The following ATAD3C variants were observed in gnomAD, a reference collection of about 807,000 sequenced individuals.
The protein encoded by ATAD3C is ATPase family AAA domain-containing protein 3C.
Under a neutral mutation model 46.3 loss-of-function variants are expected in ATAD3C, and 38 were observed. The observed-to-expected ratio is 0.82, with a 90% confidence interval of 0.63 to 1.08. ATAD3C has a LOEUF of 1.08. Ranked by LOEUF, ATAD3C falls within the 50% of genes least tolerant of loss-of-function variation. The pLI is 0.00. For missense variants in ATAD3C, 563 were observed against 572.7 expected, an observed-to-expected ratio of 0.98 and a Z score of 0.17; for synonymous variants, 220 against 236.4, an observed-to-expected ratio of 0.93 and a Z score of 0.63.
Position 1,462,565 on chromosome 1 carries a change from GCCTTGGCCGGC to G in ATAD3C, c.981-32_981-22del. The G allele has an allele frequency of 6.4e-7, 1 of 1,550,984 alleles. No homozygotes were observed. Among genetic ancestry groups the G allele is most frequent in the Non-Finnish European group, 8.8e-7 (1 of 1,141,858 alleles). ...TCCACCTCGTGGTGTGGGAGCTGCTGCCTTGGCCGGCCCACTTGGGAACTCCTTCCCCAGGC... is the reference window on the plus strand; with the variant it reads ...TCCACCTCGTGGTGTGGGAGCTGCTGCCACTTGGGAACTCCTTCCCCAGGC... On this transcript the variant is annotated intron_variant, in intron 10 of 11. Transcript: ENST00000378785. This position sits in a 1 kb window ranked among gnomAD's most constrained non-coding sequence, Gnocchi z 4.5.
At chr1:1,461,224 G>C (rs1420356828) in intron 10 of ATAD3C, among the ~76,000 whole-genome samples, 1 of 151,756 alleles carries the variant, frequency 6.6e-6, no homozygotes, top group African/African-American at 2.4e-5. Context: ...TCTCGCTCTT[G>C]TCCCCCAGGC....
chr1:1,458,726 G>T (rs1570151704), intron 8 of ATAD3C, among the ~76,000 whole-genome samples: 1 of 141,872 alleles, frequency 7.0e-6, no homozygotes, highest in Non-Finnish European at 1.5e-5. Context: ...CCCAGTCAGG[G>T]TTTGTTTTTT....
Position 1,450,725 on chromosome 1 carries a change from G to C in ATAD3C, c.42G>C (p.Gln14His), listed in dbSNP as rs1638840032. The change falls in exon 1 of 12, where the codon CAG becomes CAC. Residue 14 changes from glutamine (Q) to histidine (H), a missense_variant. Gln to His is a conservative substitution (Grantham distance 24). This residue lies in a region of ATAD3C where 263 missense variants were observed against 243.1 expected (regional missense o/e 1.08). Coordinates refer to ENST00000378785, the MANE Select transcript of ATAD3C (RefSeq NM_001039211.3). ...TGAATCTGGCGCAGATGCAGGAGCA[G>C]ACGCTGCAGTTGGAGCAACAGTCCA... ...DALNLAQMQE[Q>H]TLQLEQQSKL... The C allele has an allele frequency of 6.2e-7, 1 of 1,613,178 alleles. No individual in the cohort carries two copies. Among genetic ancestry groups the C allele is most frequent in the Non-Finnish European group, 8.5e-7 (1 of 1,179,606 alleles).
At chr1:1,454,764 C>A (rs367921383) in intron 4 of ATAD3C, among the ~76,000 whole-genome samples, 1 of 151,726 alleles carries the variant, frequency 6.6e-6, no homozygotes, top group African/African-American at 2.4e-5. Context: ...CTTGCAAGAC[C>A]CGGGATTTGG....
At chr1:1,460,647 A>C in intron 9 of ATAD3C, 103 bp from the exon 10 acceptor site, 1 of 1,417,340 alleles carries the variant, frequency 7.1e-7, no homozygotes, top group Non-Finnish European at 9.2e-7. Context: ...GCCACTTTAG[A>C]TTCTCCCAGA....
chr1:1,469,675 C>CT lies in ATAD3C; in HGVS notation c.*1146dup, dbSNP rs1218945463. 4.1e-5 allele frequency: 6 copies of CT among 145,604 alleles called. No individual in the cohort carries two copies. Among genetic ancestry groups the CT allele is most frequent in the African/African-American group, 1.5e-4 (6 of 39,588 alleles). The allele number at this position is 145,604 out of a possible 1,614,324, so 9.0% of individuals were successfully genotyped here. A position where few individuals can be genotyped will look rare whatever the true frequency, so the allele number is the denominator to read the frequency against. On this transcript the variant is annotated 3_prime_UTR_variant, in exon 12 of 12. Coordinates refer to ENST00000378785, the MANE Select transcript of ATAD3C (RefSeq NM_001039211.3). ...ACAGGCTTGAGCCACCGTGCCTGGT[C>CT]TGTTTTTTTTTTTTTTTTGGCAATA...
rs1639091540 is a variant in ATAD3C at position 1,462,859 on chromosome 1, A to T, written c.1089+151A>T. 6.6e-6 allele frequency among the ~76,000 whole-genome samples: 1 copy of T among 152,080 alleles called. No individual in the cohort carries two copies. Among genetic ancestry groups the T allele is most frequent in the South Asian group, 2.1e-4 (1 of 4,814 alleles). Reference sequence around the variant, plus strand: ...AGATGTGACACGGGGCCCCTGCCCCAGTTGGGCCACTCCACGCAGCAGCGT... The same window carrying T: ...AGATGTGACACGGGGCCCCTGCCCCTGTTGGGCCACTCCACGCAGCAGCGT... On this transcript the variant is annotated intron_variant, in intron 11 of 11. Transcript: ENST00000378785. The surrounding 1 kb of genome is among the most constrained non-coding windows in gnomAD (Gnocchi z 4.5).
chr1:1,454,473 G>A lies in ATAD3C; in HGVS notation c.351G>A (p.Val117=), dbSNP rs1387388098. The part of the protein sequence containing the change: ...SLVRETSRIT[V]LEALRHPIQQ... ...TGAGGGAGACGTCCCGCATCACGGT[G>A]CTTGAGGCGCTGCGGCACCCCATCC... The change falls in exon 4 of 12, where the codon GTG becomes GTA. Residue 117 remains valine, a synonymous_variant. Coordinates refer to ENST00000378785, the MANE Select transcript of ATAD3C (RefSeq NM_001039211.3). 4 of 1,609,568 alleles carry A rather than the reference G, an allele frequency of 2.5e-6. No individual in the cohort carries two copies. In the East Asian group the frequency reaches 8.9e-5, roughly 36 times the overall value.
At chr1:1,455,940 T>A in intron 6 of ATAD3C, 24 bp downstream of exon 6, 1 of 1,611,996 alleles carries the variant, frequency 6.2e-7, no homozygotes, top group Non-Finnish European at 8.5e-7. Flanking sequence ...GCTGAACAGG[T>A]GGGCCAGGGG....
intron 4 of ATAD3C, among the ~76,000 whole-genome samples, chr1:1,454,812 C>T (rs1483426084): frequency 3.2e-4 from 49 of 151,990 alleles, no homozygotes; most frequent in Non-Finnish European, 5.7e-4. Flanking sequence ...CTACAGGCCA[C>T]AGTGTCTGGC....
chr1:1,466,646 A>C (rs1422595039), intron 11 of ATAD3C, among the ~76,000 whole-genome samples: 3 of 151,018 alleles, frequency 2.0e-5, no homozygotes, highest in Non-Finnish European at 2.9e-5. Context: ...TGATTTTTGT[A>C]TGTTGAACAT....
chr1:1,454,539 C>G (rs892399282), intron 4 of ATAD3C, 39 bp downstream of exon 4: 5 of 1,587,398 alleles, frequency 3.1e-6, no homozygotes, highest in Non-Finnish European at 3.4e-6. Context: ...GTGCAAGTGC[C>G]TGGCTGAGTC....
Position 1,460,842 on chromosome 1 carries a change from G to A in ATAD3C, c.905G>A (p.Gly302Glu). The A allele has an allele frequency of 6.2e-7, 1 of 1,613,194 alleles. No homozygotes were observed. The highest frequency in any genetic ancestry group is 8.5e-7 in the Non-Finnish European group (1 of 1,179,494). ...GTGATGGTCCACTTCGACCTGCCAG[G>A]GCAGGAGGAGCGGGCGCGCCTGGTG... The part of the protein sequence containing the change: ...IDVMVHFDLP[G>E]QEERARLVRM... The change falls in exon 10 of 12, where the codon GGG (glycine) becomes GAG (glutamate). Residue 302 changes from glycine (G) to glutamate (E), a missense_variant. Transcript: ENST00000378785.
rs373009139 is a variant in ATAD3C, at chr1:1,468,473, G to A, written c.1179G>A (p.Met393Ile). 25 of 1,612,492 alleles carry A rather than the reference G, an allele frequency of 1.6e-5. No individual in the cohort carries two copies. The highest frequency in any genetic ancestry group is 1.9e-5 in the Non-Finnish European group (22 of 1,179,350). The change falls in exon 12 of 12, where the codon ATG becomes ATA. Residue 393 changes from methionine (M) to isoleucine (I), a missense_variant. By Grantham distance (10) the Met-to-Ile change is conservative. Transcript: ENST00000378785. The part of the protein sequence containing the change: ...VQDFVQQHQQ[M>I]MRWLKGERPG... The stretch of plus-strand genomic sequence containing the variant: ...ACTTTGTCCAGCAGCACCAGCAGAT[G>A]ATGCGCTGGCTGAAGGGGGAGAGGC...
rs1185232413 is a variant in ATAD3C, at chr1:1,462,635, A to G, written c.1016A>G (p.Lys339Arg). Residue 339 changes from lysine (K) to arginine (R), a missense_variant, in exon 11 of 12, where the codon AAG becomes AGG. Physicochemically the swap from Lys to Arg is conservative, Grantham distance 26. Around this residue, in one of 3 missense-constraint regions of ATAD3C, gnomAD observed 273 missense variants for 253.5 expected, o/e 1.08. Coordinates refer to ENST00000378785, the MANE Select transcript of ATAD3C (RefSeq NM_001039211.3). This position sits in a 1 kb window ranked among gnomAD's most constrained non-coding sequence, Gnocchi z 4.5. Reference protein sequence around the residue: ...LKLAQFDYGRKCLEIARLTEG... With the variant: ...LKLAQFDYGRRCLEIARLTEG... ...CTGGCCCAGTTTGACTACGGGAGGA[A>G]GTGCTTAGAGATCGCTCGGCTGACA... The G allele has an allele frequency of 1.2e-6, 2 of 1,605,792 alleles. No individual in the cohort carries two copies. Among genetic ancestry groups the G allele is most frequent in the Non-Finnish European group, 1.7e-6 (2 of 1,176,664 alleles).
chr1:1,461,951 C>T (rs1390461174), intron 10 of ATAD3C, among the ~76,000 whole-genome samples: 1 of 152,084 alleles, frequency 6.6e-6, no homozygotes, highest in Non-Finnish European at 1.5e-5. Context: ...GCAGAGCCCT[C>T]CAGGTGATGA....
chr1:1,455,728 C>G lies in ATAD3C; in HGVS notation c.439-63C>G, dbSNP rs979397602. 9.2e-5 allele frequency: 147 copies of G among 1,603,232 alleles called. 1 individual carries two copies. Among genetic ancestry groups the G allele is most frequent in the Non-Finnish European group, 1.2e-4 (136 of 1,174,700 alleles). On this transcript the variant is annotated intron_variant, in intron 5 of 11. Coordinates refer to ENST00000378785, the MANE Select transcript of ATAD3C (RefSeq NM_001039211.3). ...GTCCACACCCAGGCATTCTCGCAGC[C>G]CCTGCCCCCGAGGCTTCTGTGGGTG...
At chr1:1,457,595 C>CAAAAAAAAAAAAAAA (rs777757826) in intron 8 of ATAD3C, among the ~76,000 whole-genome samples, 6 of 36,450 alleles carry the variant, frequency 1.6e-4, no homozygotes, top group African/African-American at 8.1e-4. Context: ...GACTTCATCT[C>CAAAAAAAAAAAAAAA]AAAAAAAAAA....
chr1:1,462,565 GC>G lies in ATAD3C; in HGVS notation c.981-33del. The G allele has an allele frequency of 6.4e-7, 1 of 1,550,984 alleles. No homozygotes were observed. The highest frequency in any genetic ancestry group is 8.8e-7 in the Non-Finnish European group (1 of 1,141,858). ...TCCACCTCGTGGTGTGGGAGCTGCT[GC>G]CTTGGCCGGCCCACTTGGGAACTCC... On this transcript the variant is annotated intron_variant, in intron 10 of 11. Coordinates refer to ENST00000378785, the MANE Select transcript of ATAD3C (RefSeq NM_001039211.3). The surrounding 1 kb of genome is among the most constrained non-coding windows in gnomAD (Gnocchi z 4.5).
Sources: gnomAD v4.1 joint callset for allele counts (sites outside exome capture counted in the v4.1 genomes callset) on GRCh38, gnomAD v4.1.1 for gene constraint, gnomAD v4.1.1 regional missense constraint, Gnocchi (gnomAD v3.1) non-coding constraint, MANE v1.5 for transcripts, NCBI Gene and HGNC (gene_info 2026-07-23, HGNC 2026-07-21) for gene names.